The following TNRC6A variants were observed in gnomAD, a reference collection of about 807,000 sequenced individuals.
TNRC6A encodes trinucleotide repeat-containing gene 6A protein.
In TNRC6A, 44 loss-of-function variants were observed where a neutral mutation model predicts 221.2. The ratio of observed to expected loss-of-function variants is 0.20; its 90% CI spans 0.16 to 0.26. The LOEUF (loss-of-function observed/expected upper bound fraction) is 0.26, where lower values mean the gene tolerates loss of function less well. Ranked by LOEUF, TNRC6A falls within the 10% of genes least tolerant of loss-of-function variation. The pLI is 1.00. For synonymous variants in TNRC6A, 847 were observed against 838.5 expected, an observed-to-expected ratio of 1.01 and a Z score of -0.18; for missense variants, 2,199 against 2,404.4, an observed-to-expected ratio of 0.91 and a Z score of 1.79.
At chr16:24,664,634 TAATA>T (rs2055111125) in intron 2 of TNRC6A, among the ~76,000 whole-genome samples, 1 of 142,912 alleles carries the variant, frequency 7.0e-6, no homozygotes, top group African/African-American at 2.5e-5. Context: ...TATATATTAT[TAATA>T]AATATATTTA....
intron 1 of TNRC6A, among the ~76,000 whole-genome samples, chr16:24,627,843 G>A (rs535156415): frequency 2.0e-5 from 3 of 150,910 alleles, no homozygotes; most frequent in South Asian, 2.1e-4. Flanking sequence ...GATTACAGGC[G>A]CCTGCCCCCA....
At chr16:24,693,035 G>A (rs1048861162) in intron 2 of TNRC6A, among the ~76,000 whole-genome samples, 2 of 152,024 alleles carry the variant, frequency 1.3e-5, no homozygotes, top group African/African-American at 2.4e-5. Flanking sequence ...TTAATAAGCC[G>A]AATAATCCTA....
chr16:24,729,575 G>C (rs1411309945), upstream of TNRC6A: 1 of 390,166 alleles, frequency 2.6e-6, no homozygotes, highest in Non-Finnish European at 4.5e-6. Context: ...CAATCTGCGG[G>C]TCCAGTTGCT....
rs368283271 is a variant in TNRC6A, at chr16:24,688,161, G to A, written n.402+47152G>A. On this transcript the variant is annotated intron_variant and non_coding_transcript_variant, in intron 2 of 2. Coordinates refer to the TNRC6A transcript ENST00000566108. ...TTACCATGTTAGCCGGGATGGTCTC[G>A]ATCTCCTGACCTCGTGATCTGCTGA... Among the ~76,000 whole-genome samples the A allele has an allele frequency of 9.7e-4, 147 of 150,890 alleles. 2 individuals carry two copies. The highest frequency in any genetic ancestry group is 3.4e-3 in the Middle Eastern group (1 of 294).
chr16:24,796,850 A>C (rs796948002), intron 9 of TNRC6A, among the ~76,000 whole-genome samples: 8 of 152,318 alleles, frequency 5.3e-5, no homozygotes, highest in African/African-American at 1.9e-4. Flanking sequence ...TGCTGATCAC[A>C]GACCCTCCAT....
At chr16:24,656,341 C>A (rs1379308761) in intron 2 of TNRC6A, among the ~76,000 whole-genome samples, 1 of 151,446 alleles carries the variant, frequency 6.6e-6, no homozygotes, top group African/African-American at 2.4e-5. Context: ...GTGGCGCATG[C>A]CTGTAATCCC....
At chr16:24,822,260 G>A in intron 23 of TNRC6A, 113 bp downstream of exon 23, 1 of 1,011,322 alleles carries the variant, frequency 9.9e-7, no homozygotes, top group Non-Finnish European at 1.5e-6. Context: ...CCGAGCAGAG[G>A]AAACAGCAGA....
intron 5 of TNRC6A, among the ~76,000 whole-genome samples, chr16:24,781,015 T>TA (rs1244140329): frequency 7.0e-6 from 1 of 142,372 alleles, no homozygotes; most frequent in Non-Finnish European, 1.5e-5. Flanking sequence ...TCTCTATCCT[T>TA]AAAAAAATTT....
chr16:24,809,144 TCTCC>T (rs1477659262), intron 17 of TNRC6A, among the ~76,000 whole-genome samples: 1 of 152,246 alleles, frequency 6.6e-6, no homozygotes, highest in African/African-American at 2.4e-5. Flanking sequence ...TTAAAACTTT[TCTCC>T]CTCTTATTTT....
intron 5 of TNRC6A, among the ~76,000 whole-genome samples, chr16:24,782,145 C>T (rs922972823): frequency 1.3e-5 from 2 of 152,092 alleles, no homozygotes; most frequent in Admixed American, 1.3e-4. Context: ...AAATGCCTCC[C>T]ACTTTTCCCA....
intron 18 of TNRC6A, among the ~76,000 whole-genome samples, chr16:24,812,944 C>T (rs1184644096): frequency 1.5e-5 from 2 of 130,680 alleles, no homozygotes; most frequent in Admixed American, 8.9e-5. Context: ...GGCACAATCT[C>T]AGGTCACTGC....
rs746490846 is a variant in TNRC6A at position 24,804,248 on chromosome 16, G to A, written c.3766G>A (p.Gly1256Arg). 5 of 1,613,712 alleles carry A rather than the reference G, an allele frequency of 3.1e-6. No homozygotes were observed. The highest frequency in any genetic ancestry group is 1.1e-5 in the South Asian group (1 of 90,990). Residue 1256 changes from glycine (G) to arginine (R), a missense_variant, in exon 12 of 25, where the codon GGG becomes AGG. Physicochemically the swap from Gly to Arg is moderately radical, Grantham distance 125. This residue lies in a region of TNRC6A where 158 missense variants were observed against 159.1 expected (regional missense o/e 0.99). Coordinates refer to ENST00000395799, the MANE Select transcript of TNRC6A (RefSeq NM_014494.4). ...LNIGDYNRTV[G>R]KGPGSRPQIS... Reference sequence around the variant, plus strand: ...TATTGGTGATTACAATCGAACGGTCGGGAAAGGCCCTGGTTCTCGGCCTCA... The same window carrying A: ...TATTGGTGATTACAATCGAACGGTCAGGAAAGGCCCTGGTTCTCGGCCTCA...
At position 24,752,704 on chromosome 16, in the gene TNRC6A, A is replaced by G. The variant is rs139889682; in HGVS notation, c.141+1891A>G. 2.5e-3 allele frequency among the ~76,000 whole-genome samples: 375 copies of G among 152,334 alleles called. 2 individuals are homozygous for G. The highest frequency in any genetic ancestry group is 7.4e-3 in the African/African-American group (307 of 41,574). On this transcript the variant is annotated intron_variant, in intron 3 of 24. Coordinates refer to ENST00000395799, the MANE Select transcript of TNRC6A (RefSeq NM_014494.4). ...CATGGTGTGAAAGGCCATTTGCCCA[A>G]TGAAAAGAGCTTCTAAGAAACTTAA...
In TNRC6A at chr16:24,823,288, G is replaced by GGGC; in HGVS notation, c.5514-143_5514-141dup. ...GTGGGTGCACACTCGGGTGAAGGGA[G>GGGC]GGCACGCAGGTTATGTGGTGTAGTC... On this transcript the variant is annotated intron_variant, in intron 24 of 24. Coordinates refer to ENST00000395799, the MANE Select transcript of TNRC6A (RefSeq NM_014494.4). This position sits in a 1 kb window ranked among gnomAD's most constrained non-coding sequence, Gnocchi z 4.3. 1.9e-6 allele frequency: 2 copies of GGGC among 1,080,004 alleles called. No individual in the cohort carries two copies. Among genetic ancestry groups the GGGC allele is most frequent in the East Asian group, 5.0e-5 (2 of 40,334 alleles). The allele number at this position is 1,080,004 out of a possible 1,614,324, so 66.9% of individuals were successfully genotyped here.
rs187907207 is a variant in TNRC6A at position 24,792,351 on chromosome 16, T to G, written c.3175+534T>G. ...CTCTCTAATAATGAACTAATTCCTA[T>G]CTCTGCAAATTTTCCCAACAACATT... On this transcript the variant is annotated intron_variant, in intron 6 of 24. Transcript: ENST00000395799. 2.6e-5 allele frequency among the ~76,000 whole-genome samples: 4 copies of G among 152,318 alleles called. No individual in the cohort carries two copies. In the East Asian group the frequency reaches 7.7e-4, roughly 29 times the overall value.
chr16:24,648,257 A>G (rs1302822483), intron 2 of TNRC6A, among the ~76,000 whole-genome samples: 2 of 138,948 alleles, frequency 1.4e-5, no homozygotes, highest in Non-Finnish European at 3.1e-5. Context: ...GAGCAATTGT[A>G]CCACTTTCCA....
At chr16:24,687,959 T>C (rs142957901) in intron 2 of TNRC6A, among the ~76,000 whole-genome samples, 8,514 of 86,696 alleles carry the variant, frequency 0.098, 246 homozygotes, top group Non-Finnish European at 0.15. Context: ...CTTTTCTTTT[T>C]TTTTTTTTTG....
chr16:24,614,152 C>T (rs965437669), intron 1 of TNRC6A, among the ~76,000 whole-genome samples: 2 of 152,222 alleles, frequency 1.3e-5, no homozygotes, highest in African/African-American at 4.8e-5. Context: ...GACCAGGCCA[C>T]GTGTCTCCCT....
intron 5 of TNRC6A, chr16:24,778,412 A>G (rs1173723224): frequency 3.0e-6 from 3 of 985,486 alleles, no homozygotes; most frequent in Non-Finnish European, 3.6e-6. Context: ...TGTAACCACC[A>G]TGCTGTGCTT....
Sources: allele counts gnomAD v4.1 joint callset (sites outside exome capture counted in the v4.1 genomes callset), GRCh38; gene constraint gnomAD v4.1.1; regional missense constraint gnomAD v4.1.1; non-coding constraint Gnocchi (gnomAD v3.1); transcripts MANE v1.5; gene names NCBI Gene and HGNC (gene_info 2026-07-23, HGNC 2026-07-21).